Variants in HSPA2 observed in about 807,000 individuals in gnomAD.
HSPA2 encodes the protein heat shock-related 70 kDa protein 2.
HSPA2 carries 13 observed loss-of-function variants against 35.0 expected under a neutral mutation model. The observed-to-expected ratio is 0.37, with a 90% CI of 0.24 to 0.59. The LOEUF (loss-of-function observed/expected upper bound fraction) is 0.59, where lower values mean the gene tolerates loss of function less well. HSPA2 is among the 20% of genes least tolerant of loss of function. HSPA2 has a pLI of 0.70. For synonymous variants in HSPA2, 368 were observed against 382.1 expected, an observed-to-expected ratio of 0.96 and a Z score of 0.43; for missense variants, 565 against 885.4, an observed-to-expected ratio of 0.64 and a Z score of 4.59.
chr14:64,539,153 G>T (rs1047517230), upstream of HSPA2, among the ~76,000 whole-genome samples: 2 of 152,096 alleles, frequency 1.3e-5, no homozygotes, highest in Non-Finnish European at 2.9e-5. Context: ...ATTACCTGGT[G>T]CCAGGGTATT....
At chr14:64,538,162 G>T (rs1262631693), upstream of HSPA2, among the ~76,000 whole-genome samples, 2 of 152,146 alleles carry the variant, frequency 1.3e-5, no homozygotes, top group Admixed American at 6.5e-5. Context: ...CTTAAAAACT[G>T]GAAATGATAT....
upstream of HSPA2, among the ~76,000 whole-genome samples, chr14:64,536,862 T>C (rs1030973718): frequency 1.3e-5 from 2 of 152,338 alleles, no homozygotes; most frequent in South Asian, 2.1e-4. Flanking sequence ...GAAAAAAATA[T>C]ACATGGCTAA....
At chr14:64,539,899 C>G (rs186133241), upstream of HSPA2, among the ~76,000 whole-genome samples, 1 of 152,122 alleles carries the variant, frequency 6.6e-6, no homozygotes, top group Non-Finnish European at 1.5e-5. Flanking sequence ...CCAGGATGGT[C>G]TCGATGTCTT....
chr14:64,541,440 C>T lies in HSPA2; in HGVS notation c.591C>T (p.Asn197=). The T allele has an allele frequency of 6.2e-7, 1 of 1,613,688 alleles. No individual in the cohort carries two copies. The highest frequency in any genetic ancestry group is 8.5e-7 in the Non-Finnish European group (1 of 1,179,874). Residue 197 remains asparagine, a synonymous_variant, in exon 1 of 1, where the codon AAC becomes AAT. Transcript: ENST00000247207. ...AGGGCTGCGCGGGCGGCGAGAAGAA[C>T]GTGCTCATCTTTGACCTGGGCGGTG... ...DKKGCAGGEK[N]VLIFDLGGGT...
Position 64,542,459 on chromosome 14 carries a change from A to G in HSPA2, c.1610A>G (p.Asp537Gly). Residue 537 changes from aspartate (D) to glycine (G), a missense_variant, in exon 1 of 1, where the codon GAC (aspartate) becomes GGC (glycine). Asp to Gly is a moderately conservative substitution (Grantham distance 94, BLOSUM62 -1). Around this residue, in one of 4 missense-constraint regions of HSPA2, gnomAD observed 147 missense variants for 166.7 expected, o/e 0.88. Coordinates refer to ENST00000247207, the MANE Select transcript of HSPA2 (RefSeq NM_021979.4). The surrounding 1 kb of genome is among the most constrained non-coding windows in gnomAD (Gnocchi z 5.7). ...RYKSEDEANR[D>G]RVAAKNALES... ...AAATCGGAAGATGAGGCGAATCGCG[A>G]CCGAGTCGCGGCCAAAAACGCCCTG... The G allele has an allele frequency of 6.2e-7, 1 of 1,613,730 alleles. No homozygotes were observed. The highest frequency in any genetic ancestry group is 8.5e-7 in the Non-Finnish European group (1 of 1,179,982).
upstream of HSPA2, chr14:64,535,934 CCTTCT>C (rs2079978434): frequency 1.0e-5 from 1 of 97,924 alleles, no homozygotes; most frequent in Admixed American, 1.1e-4. Flanking sequence ...GTGCCTTTCG[CCTTCT>C]GCCGTGATTG....
chr14:64,536,653 C>T (rs546795624), upstream of HSPA2, among the ~76,000 whole-genome samples: 11 of 152,126 alleles, frequency 7.2e-5, no homozygotes, highest in East Asian at 3.9e-4. Context: ...CTAACTACTC[C>T]GGAGGCTGAA....
At chr14:64,537,167 ATC>A (rs1019470716), upstream of HSPA2, among the ~76,000 whole-genome samples, 1 of 152,140 alleles carries the variant, frequency 6.6e-6, no homozygotes, top group African/African-American at 2.4e-5. Flanking sequence ...CTGAGACTGT[ATC>A]TCTAAGTCAT....
At position 64,543,132 on chromosome 14, in the gene HSPA2, T is replaced by A. The variant is rs535002622; in HGVS notation, c.*363T>A. On this transcript the variant is annotated 3_prime_UTR_variant, in exon 1 of 1. Coordinates refer to ENST00000247207, the MANE Select transcript of HSPA2 (RefSeq NM_021979.4). ...GCTTAAATTGTTTATTTTTATGTAC[T>A]ACTTTAAAACTAAACTGAACATTGC... is the stretch of plus-strand genomic sequence containing the variant. 3.4e-6 allele frequency: 1 copy of A among 290,504 alleles called. No individual in the cohort carries two copies. The highest frequency in any genetic ancestry group is 9.7e-5 in the East Asian group (1 of 10,326). 18.0% of individuals were successfully genotyped at this position (290,504 alleles called of 1,614,324 possible).
rs1447624557 is a variant in HSPA2, at chr14:64,540,910, G to T, written c.61G>T (p.Val21Phe). 2 of 1,614,076 alleles carry T rather than the reference G, an allele frequency of 1.2e-6. No homozygotes were observed. Among genetic ancestry groups the T allele is most frequent in the African/African-American group, 1.3e-5 (1 of 74,942 alleles). The change falls in exon 1 of 1, where the codon GTC (valine) becomes TTC (phenylalanine). Residue 21 changes from valine to phenylalanine, a missense_variant. Val to Phe is a conservative substitution (Grantham distance 50). This residue lies in a region of HSPA2 where 183 missense variants were observed against 281.6 expected (regional missense o/e 0.65). Coordinates refer to ENST00000247207, the MANE Select transcript of HSPA2 (RefSeq NM_021979.4). ...DLGTTYSCVG[V>F]FQHGKVEIIA... ...GGGCACCACCTATTCGTGCGTCGGG[G>T]TCTTCCAACATGGCAAGGTGGAGAT...
upstream of HSPA2, among the ~76,000 whole-genome samples, chr14:64,539,506 G>A (rs1376814622): frequency 2.0e-5 from 3 of 152,170 alleles, no homozygotes; most frequent in Non-Finnish European, 4.4e-5. Context: ...GTTTAAAGCG[G>A]CAGGACAAAC....
chr14:64,539,371 T>C (rs568944429), upstream of HSPA2, among the ~76,000 whole-genome samples: 6 of 152,304 alleles, frequency 3.9e-5, no homozygotes, highest in African/African-American at 9.6e-5. Context: ...GGTGACTTTA[T>C]GGTGTTTCAA....
At chr14:64,538,868 C>T (rs2140201442), upstream of HSPA2, among the ~76,000 whole-genome samples, 1 of 152,338 alleles carries the variant, frequency 6.6e-6, no homozygotes, top group South Asian at 2.1e-4. Flanking sequence ...GACGGAGTCT[C>T]GTTCTGTCGC....
chr14:64,538,946 C>CA (rs539808332), upstream of HSPA2, among the ~76,000 whole-genome samples: 218 of 152,356 alleles, frequency 1.4e-3, no homozygotes, highest in African/African-American at 5.0e-3. Flanking sequence ...GCTGGGACTA[C>CA]AGGCGCGCGC....
At chr14:64,537,390 G>A (rs2079987453), upstream of HSPA2, among the ~76,000 whole-genome samples, 2 of 152,128 alleles carry the variant, frequency 1.3e-5, no homozygotes, top group Admixed American at 6.5e-5. Flanking sequence ...TCAGGGGTTC[G>A]AGAACAGCCT....
upstream of HSPA2, among the ~76,000 whole-genome samples, chr14:64,537,043 C>T (rs776333472): frequency 3.9e-5 from 6 of 152,196 alleles, no homozygotes; most frequent in Non-Finnish European, 7.3e-5. Flanking sequence ...TATGTGAGAA[C>T]TCTGGCCTGC....
chr14:64,539,691 G>GT (rs529659092), upstream of HSPA2, among the ~76,000 whole-genome samples: 854 of 150,824 alleles, frequency 5.7e-3, 4 homozygotes, highest in Non-Finnish European at 8.3e-3. Flanking sequence ...GTTTTTTTTT[G>GT]TTTTTTTTGA....
rs143579986 is a variant in HSPA2, at chr14:64,541,180, G to T, written c.331G>T (p.Glu111Ter). 1.2e-6 allele frequency: 2 copies of T among 1,614,230 alleles called. No homozygotes were observed. Among genetic ancestry groups the T allele is most frequent in the South Asian group, 2.2e-5 (2 of 91,086 alleles). ...KPKVQVEYKG[E>*]TKTFFPEEIS... ...CAAAGTGCAAGTAGAGTACAAGGGGGAGACCAAGACCTTCTTCCCAGAGGA... is the reference window on the plus strand; with the variant it reads ...CAAAGTGCAAGTAGAGTACAAGGGGTAGACCAAGACCTTCTTCCCAGAGGA... The change falls in exon 1 of 1, where the codon GAG becomes TAG. Residue 111 changes from glutamate (E) to a stop codon, truncating the protein, a stop_gained. Coordinates refer to ENST00000247207, the MANE Select transcript of HSPA2 (RefSeq NM_021979.4). LOFTEE classifies it high-confidence loss of function.
rs369823573 is a variant in HSPA2, at chr14:64,541,641, G to A, written c.792G>A (p.Arg264=). The part of the protein sequence containing the change: ...KDIGPNKRAV[R]RLRTACERAK... ...TTGGGCCCAACAAGCGCGCCGTGAGGCGGCTGCGCACCGCTTGCGAGCGCG... is the reference window on the plus strand; with the variant it reads ...TTGGGCCCAACAAGCGCGCCGTGAGACGGCTGCGCACCGCTTGCGAGCGCG... The change falls in exon 1 of 1, where the codon AGG becomes AGA. Residue 264 remains arginine, a synonymous_variant. Transcript: ENST00000247207. 52 of 1,611,468 alleles carry A rather than the reference G, an allele frequency of 3.2e-5. No individual in the cohort carries two copies. In the African/African-American group the frequency reaches 6.4e-4, roughly 20 times the overall value.
Sources: gnomAD v4.1 joint callset for allele counts (sites outside exome capture counted in the v4.1 genomes callset) on GRCh38, gnomAD v4.1.1 for gene constraint, gnomAD v4.1.1 regional missense constraint, Gnocchi (gnomAD v3.1) non-coding constraint, MANE v1.5 for transcripts, NCBI Gene and HGNC (gene_info 2026-07-23, HGNC 2026-07-21) for gene names.